The following SGCZ variants were observed in gnomAD, a reference collection of about 807,000 sequenced individuals.
SGCZ encodes the protein sarcoglycan zeta.
A neutral mutation model predicts 41.3 loss-of-function variants in SGCZ; 40 were observed. The observed-to-expected ratio is 0.97, with a 90% CI of 0.75 to 1.26. The LOEUF (loss-of-function observed/expected upper bound fraction) is 1.26, where lower values mean the gene tolerates loss of function less well. Ranked by LOEUF, SGCZ falls within the 50% of genes most tolerant of loss-of-function variation. The pLI, the probability that SGCZ is intolerant of heterozygous loss-of-function variation, is 0.00. For synonymous variants in SGCZ, 206 were observed against 137.5 expected, an observed-to-expected ratio of 1.50 and a Z score of -3.49; for missense variants, 552 against 369.8, an observed-to-expected ratio of 1.49 and a Z score of -4.04.
chr8:15,017,609 G>A (rs56805467), intron 1 of SGCZ, among the ~76,000 whole-genome samples: 9,097 of 151,892 alleles, frequency 0.06, 300 homozygotes, highest in South Asian at 0.13. Context: ...TCAAGTGATC[G>A]TTCCTCCCAC....
intron 1 of SGCZ, among the ~76,000 whole-genome samples, chr8:14,682,772 G>A (rs1254653205): frequency 6.6e-6 from 1 of 152,156 alleles, no homozygotes; most frequent in Non-Finnish European, 1.5e-5. Flanking sequence ...TTACCATGCA[G>A]AATACTTTAC....
At chr8:15,059,115 T>C (rs1162415665) in intron 1 of SGCZ, among the ~76,000 whole-genome samples, 1 of 152,170 alleles carries the variant, frequency 6.6e-6, no homozygotes, top group Non-Finnish European at 1.5e-5. Context: ...ACGATATGTT[T>C]CCTGTTTGAC....
At chr8:14,526,388 T>C (rs1802950892) in intron 2 of SGCZ, among the ~76,000 whole-genome samples, 1 of 152,130 alleles carries the variant, frequency 6.6e-6, no homozygotes, top group Admixed American at 6.6e-5. Flanking sequence ...AAGATTAGAA[T>C]ATTAGCTTAA....
intron 1 of SGCZ, among the ~76,000 whole-genome samples, chr8:15,080,838 C>T (rs1423009073): frequency 6.6e-6 from 1 of 152,080 alleles, no homozygotes. Context: ...AAGATCCGCC[C>T]ACCTTGGCCT....
At chr8:14,950,596 G>A (rs1183100104) in intron 1 of SGCZ, among the ~76,000 whole-genome samples, 1 of 151,884 alleles carries the variant, frequency 6.6e-6, no homozygotes, top group Non-Finnish European at 1.5e-5. Flanking sequence ...TTTCAACTTG[G>A]TAAGAGAAAT....
At chr8:15,119,456 G>A (rs994551052) in intron 1 of SGCZ, among the ~76,000 whole-genome samples, 7 of 151,694 alleles carry the variant, frequency 4.6e-5, no homozygotes, top group African/African-American at 7.3e-5. Flanking sequence ...CTTGAGACCC[G>A]GAGGCACACA....
At chr8:14,142,926 A>G (rs1456942652) in intron 5 of SGCZ, among the ~76,000 whole-genome samples, 1 of 151,878 alleles carries the variant, frequency 6.6e-6, no homozygotes, top group South Asian at 2.1e-4. Context: ...AGACCTCCCT[A>G]GAAGCAGAAG....
At chr8:14,786,877 C>G (rs1800785218) in intron 1 of SGCZ, among the ~76,000 whole-genome samples, 1 of 149,150 alleles carries the variant, frequency 6.7e-6, no homozygotes, top group African/African-American at 2.5e-5. Flanking sequence ...TTAAGTAAGT[C>G]TTAGATAAAG....
intron 2 of SGCZ, among the ~76,000 whole-genome samples, chr8:14,437,483 A>C (rs928538276): frequency 6.6e-6 from 1 of 152,112 alleles, no homozygotes; most frequent in Non-Finnish European, 1.5e-5. Flanking sequence ...AAACTGAAAA[A>C]CAGTAACGTT....
intron 1 of SGCZ, among the ~76,000 whole-genome samples, chr8:14,715,003 G>A (rs191552297): frequency 1.3e-5 from 2 of 152,146 alleles, no homozygotes; most frequent in African/African-American, 2.4e-5. Context: ...CCTTCCAATG[G>A]TCTGGTTTTG....
chr8:14,605,307 G>A (rs1308707121), intron 1 of SGCZ, among the ~76,000 whole-genome samples: 2 of 151,418 alleles, frequency 1.3e-5, no homozygotes, highest in Admixed American at 6.6e-5. Flanking sequence ...ATATTTATGG[G>A]GTACGTGAGA....
At chr8:14,618,630 G>T (rs1806183936) in intron 1 of SGCZ, among the ~76,000 whole-genome samples, 1 of 152,162 alleles carries the variant, frequency 6.6e-6, no homozygotes, top group East Asian at 1.9e-4. Context: ...AAAAAGTAGA[G>T]TCAATGAAGG....
intron 1 of SGCZ, among the ~76,000 whole-genome samples, chr8:14,747,308 T>C (rs1799363718): frequency 6.6e-6 from 1 of 152,158 alleles, no homozygotes; most frequent in Non-Finnish European, 1.5e-5. Context: ...AGAGTACATC[T>C]AGCCGCCCTC....
In SGCZ at chr8:14,733,963, G is replaced by A. The variant is rs190530531; in HGVS notation, c.40-179037C>T. ...AAGAATAAACCCATGTTGAAAAGAC[G>A]TTTTATCCTCCACTATCTTCACTCC... On this transcript the variant is annotated intron_variant, in intron 1 of 7. Coordinates refer to ENST00000382080, the MANE Select transcript of SGCZ (RefSeq NM_139167.4). Among the ~76,000 whole-genome samples, 32 of 152,316 alleles carry A rather than the reference G, an allele frequency of 2.1e-4. 1 individual carries two copies. Among genetic ancestry groups the A allele is most frequent in the Admixed American group, 1.9e-3 (29 of 15,300 alleles).
chr8:15,017,428 A>G (rs893969913), intron 1 of SGCZ, among the ~76,000 whole-genome samples: 50 of 152,296 alleles, frequency 3.3e-4, no homozygotes, highest in African/African-American at 1.2e-3. Flanking sequence ...AACTTTTTGT[A>G]AATTTTTAAA....
At chr8:14,449,110 G>T (rs1800517364) in intron 2 of SGCZ, among the ~76,000 whole-genome samples, 1 of 152,144 alleles carries the variant, frequency 6.6e-6, no homozygotes, top group African/African-American at 2.4e-5. Context: ...CTGCAGCCCA[G>T]GCATAGCAAA....
At chr8:14,219,142 G>C (rs780494092) in intron 4 of SGCZ, among the ~76,000 whole-genome samples, 16 of 152,168 alleles carry the variant, frequency 1.1e-4, no homozygotes, top group Admixed American at 6.5e-4. Context: ...TGTGATGTGC[G>C]AAGAAAAGTG....
At chr8:14,573,359 G>T (rs533893697) in intron 1 of SGCZ, among the ~76,000 whole-genome samples, 1 of 137,976 alleles carries the variant, frequency 7.2e-6, no homozygotes, top group Non-Finnish European at 1.7e-5. Flanking sequence ...CATCGCGCCC[G>T]GCTAAATTTT....
intron 3 of SGCZ, among the ~76,000 whole-genome samples, chr8:14,305,208 A>T (rs111668598): frequency 2.0e-5 from 3 of 152,306 alleles, no homozygotes; most frequent in African/African-American, 7.2e-5. Context: ...ATAATCTACC[A>T]ATATAACTAT....
Sources: gnomAD v4.1 joint callset for allele counts (sites outside exome capture counted in the v4.1 genomes callset) on GRCh38, gnomAD v4.1.1 for gene constraint, MANE v1.5 for transcripts, NCBI Gene and HGNC (gene_info 2026-07-23, HGNC 2026-07-21) for gene names.